Variants in COG5 observed in about 807,000 individuals in gnomAD.
The protein encoded by COG5 is component of oligomeric golgi complex 5.
Under a neutral mutation model 110.4 loss-of-function variants are expected in COG5, and 86 were observed. That is an observed-to-expected ratio of 0.78 (90% CI 0.65 to 0.93). The LOEUF is 0.93. Among genes scored for constraint, COG5 ranks in the 40% least tolerant of loss-of-function variants. COG5 has a pLI of 0.00. For synonymous variants in COG5, 360 were observed against 334.6 expected, an observed-to-expected ratio of 1.08 and a Z score of -0.83; for missense variants, 1,077 against 987.0, an observed-to-expected ratio of 1.09 and a Z score of -1.22.
chr7:107,213,351 A>G (rs1259083288), intron 19 of COG5, among the ~76,000 whole-genome samples: 2 of 152,142 alleles, frequency 1.3e-5, no homozygotes, highest in Non-Finnish European at 2.9e-5. Context: ...TCCAAACAGC[A>G]GCGCCAAACA....
At position 107,327,489 on chromosome 7, in the gene COG5, C is replaced by CT. The variant is rs1809874198; in HGVS notation, c.1027-2969_1027-2968insA. ...TTTTCTGTGCAGGAAAGGAAACAAT[C>CT]AATAGAGTAAAAAGGCAACCTACAG... On this transcript the variant is annotated intron_variant, in intron 10 of 21. Coordinates refer to ENST00000297135, the MANE Select transcript of COG5 (RefSeq NM_006348.5). 2.0e-5 allele frequency among the ~76,000 whole-genome samples: 3 copies of CT among 152,060 alleles called. No homozygotes were observed. The South Asian group carries it at 6.2e-4, about 32-fold the overall frequency.
chr7:107,429,998 T>C (rs1793907245), intron 6 of COG5, among the ~76,000 whole-genome samples: 1 of 152,212 alleles, frequency 6.6e-6, no homozygotes, highest in African/African-American at 2.4e-5. Context: ...ATATATTTTG[T>C]ATGCAAGCAC....
chr7:107,560,002 A>G (rs796333493), intron 1 of COG5, among the ~76,000 whole-genome samples: 13 of 152,356 alleles, frequency 8.5e-5, no homozygotes, highest in African/African-American at 3.1e-4. Flanking sequence ...AAATTGCACT[A>G]TCAGCTTTAT....
intron 6 of COG5, among the ~76,000 whole-genome samples, chr7:107,497,075 T>C (rs1798323844): frequency 1.3e-5 from 2 of 152,038 alleles, no homozygotes; most frequent in Non-Finnish European, 2.9e-5. Context: ...TAGCCAGGCA[T>C]GGTGGCATGC....
At chr7:107,315,409 G>T (rs1386960741) in intron 11 of COG5, among the ~76,000 whole-genome samples, 1 of 152,046 alleles carries the variant, frequency 6.6e-6, no homozygotes, top group Non-Finnish European at 1.5e-5. Context: ...TAACTTGTAT[G>T]AACAACTTCT....
chr7:107,389,729 G>T (rs776156524), intron 7 of COG5, among the ~76,000 whole-genome samples: 28 of 152,030 alleles, frequency 1.8e-4, no homozygotes, highest in Non-Finnish European at 4.0e-4. Context: ...TCATTGCCAC[G>T]TCCCATTCCC....
rs1291322220 is a variant in COG5 at position 107,366,963 on chromosome 7, A to T, written c.836-4543T>A. Among the ~76,000 whole-genome samples, 3 of 152,086 alleles carry T rather than the reference A, an allele frequency of 2.0e-5. No individual in the cohort carries two copies. The East Asian group carries it at 5.8e-4, about 29-fold the overall frequency. On this transcript the variant is annotated intron_variant, in intron 8 of 21. Coordinates refer to ENST00000297135, the MANE Select transcript of COG5 (RefSeq NM_006348.5). Reference sequence around the variant, plus strand: ...AGTGGGAAAGGCTGAATTGGGAAGTAAGTTTAATTTTGAGGTGATATATTA... The same window carrying T: ...AGTGGGAAAGGCTGAATTGGGAAGTTAGTTTAATTTTGAGGTGATATATTA...
chr7:107,549,312 A>G (rs1182548597), intron 3 of COG5: 2 of 152,220 alleles, frequency 1.3e-5, no homozygotes, highest in Non-Finnish European at 2.9e-5. Flanking sequence ...GCCGAATTCT[A>G]TTGTTGGTTC....
intron 14 of COG5, among the ~76,000 whole-genome samples, chr7:107,277,534 T>TCC (rs1239337725): frequency 1.3e-5 from 2 of 152,228 alleles, no homozygotes; most frequent in Non-Finnish European, 2.9e-5. Flanking sequence ...CAACACCTGC[T>TCC]CCCAGGCATT....
intron 11 of COG5, among the ~76,000 whole-genome samples, chr7:107,323,930 T>G (rs1253121704): frequency 1.3e-5 from 2 of 152,198 alleles, no homozygotes; most frequent in Non-Finnish European, 2.9e-5. Flanking sequence ...AGTCCATTAT[T>G]TCATGATATA....
At chr7:107,244,216 C>T (rs1034827523) in intron 17 of COG5, among the ~76,000 whole-genome samples, 1 of 152,144 alleles carries the variant, frequency 6.6e-6, no homozygotes, top group Non-Finnish European at 1.5e-5. Flanking sequence ...CACGCCACTG[C>T]ACTCCAGCCT....
chr7:107,337,603 T>C (rs1584695922), intron 10 of COG5, among the ~76,000 whole-genome samples: 1 of 150,224 alleles, frequency 6.7e-6, no homozygotes, highest in African/African-American at 2.5e-5. Flanking sequence ...TTTGATCTCA[T>C]GGAGGGAGAG....
chr7:107,234,938 G>C (rs796394325), intron 18 of COG5, among the ~76,000 whole-genome samples: 13 of 152,244 alleles, frequency 8.5e-5, no homozygotes, highest in African/African-American at 3.1e-4. Context: ...AGGTGCCTAA[G>C]AATGAAGTTC....
intron 19 of COG5, among the ~76,000 whole-genome samples, chr7:107,227,709 G>C (rs1008900942): frequency 6.6e-6 from 1 of 151,730 alleles, no homozygotes; most frequent in African/African-American, 2.4e-5. Flanking sequence ...TTTGGGGCGG[G>C]GGGTGTGGGT....
intron 13 of COG5, among the ~76,000 whole-genome samples, chr7:107,282,641 C>T (rs1265543034): frequency 1.3e-5 from 2 of 152,134 alleles, no homozygotes; most frequent in East Asian, 1.9e-4. Flanking sequence ...GATGCCTCAG[C>T]CTCCCGAGTA....
chr7:107,311,675 G>A (rs1437807645), intron 11 of COG5, among the ~76,000 whole-genome samples: 2 of 151,104 alleles, frequency 1.3e-5, no homozygotes, highest in African/African-American at 2.4e-5. Flanking sequence ...TTACAGGCGT[G>A]AGCCACCGCG....
intron 6 of COG5, among the ~76,000 whole-genome samples, chr7:107,437,818 C>A (rs1218195139): frequency 6.6e-6 from 1 of 152,016 alleles, no homozygotes; most frequent in African/African-American, 2.4e-5. Flanking sequence ...ATTTCTAAAC[C>A]AATATCCACT....
chr7:107,486,768 G>A (rs1180316912), intron 6 of COG5, among the ~76,000 whole-genome samples: 1 of 152,154 alleles, frequency 6.6e-6, no homozygotes, highest in Non-Finnish European at 1.5e-5. Flanking sequence ...CAAATCTGTG[G>A]TGAAGTGATG....
intron 19 of COG5, among the ~76,000 whole-genome samples, chr7:107,225,577 C>T (rs1315536689): frequency 6.6e-6 from 1 of 152,140 alleles, no homozygotes; most frequent in Non-Finnish European, 1.5e-5. Flanking sequence ...TGCAATGACC[C>T]AATCACAGCT....
Sources: gnomAD v4.1 joint callset for allele counts (sites outside exome capture counted in the v4.1 genomes callset) on GRCh38, gnomAD v4.1.1 for gene constraint, MANE v1.5 for transcripts, NCBI Gene and HGNC (gene_info 2026-07-23, HGNC 2026-07-21) for gene names.